Variants in XRCC5 observed in about 807,000 individuals in gnomAD.
XRCC5 encodes the protein X-ray repair cross complementing 5, also known as DNA repair protein Ku80.
Under a neutral mutation model 95.7 loss-of-function variants are expected in XRCC5, and 12 were observed. The observed-to-expected ratio is 0.13, with a 90% CI of 0.08 to 0.20. The LOEUF (loss-of-function observed/expected upper bound fraction) is 0.20, where lower values mean the gene tolerates loss of function less well. XRCC5 is among the 10% of genes least tolerant of loss of function. The probability of loss-of-function intolerance (pLI) is 1.00; values close to 1 mark genes in which losing one functional copy is unlikely to be tolerated. For synonymous variants in XRCC5, 281 were observed against 290.3 expected, an observed-to-expected ratio of 0.97 and a Z score of 0.33; for missense variants, 595 against 873.9, an observed-to-expected ratio of 0.68 and a Z score of 4.02.
chr2:216,156,594 G>A (rs967381689), intron 14 of XRCC5: 173 of 578,658 alleles, frequency 3.0e-4, no homozygotes, highest in Non-Finnish European at 8.3e-5. Flanking sequence ...ACTTGTGCCA[G>A]TAGAAGACCT....
At position 216,205,988 on chromosome 2, in the gene XRCC5, G is replaced by T. The variant is rs559205137; in HGVS notation, c.*786G>T. The T allele has an allele frequency of 6.6e-6, 1 of 152,184 alleles. No homozygotes were observed. 9.4% of individuals were successfully genotyped at this position (152,184 alleles called of 1,614,324 possible). A position where few individuals can be genotyped will look rare whatever the true frequency, so the allele number is the denominator to read the frequency against. On this transcript the variant is annotated 3_prime_UTR_variant, in exon 21 of 21. Transcript: ENST00000392132. ...TATATCACTTCACTGTTCTCTACTT[G>T]CAAGCCTCAAAGAGAGAAAGTTTCG...
intron 16 of XRCC5, among the ~76,000 whole-genome samples, chr2:216,184,311 AT>A (rs1423928795): frequency 6.6e-6 from 1 of 152,176 alleles, no homozygotes; most frequent in South Asian, 2.1e-4. Flanking sequence ...TTTTTACATA[AT>A]TTGTTTTTTA....
At chr2:216,128,431 G>A (rs1696929753) in intron 8 of XRCC5, among the ~76,000 whole-genome samples, 1 of 152,084 alleles carries the variant, frequency 6.6e-6, no homozygotes, top group African/African-American at 2.4e-5. Flanking sequence ...TTGGAGGAGG[G>A]GGTTGTTTAA....
At chr2:216,134,803 G>A (rs934230841) in intron 10 of XRCC5, among the ~76,000 whole-genome samples, 1 of 151,916 alleles carries the variant, frequency 6.6e-6, no homozygotes, top group South Asian at 2.1e-4. Flanking sequence ...CAAACAAATT[G>A]GAAGTAATCT....
At chr2:216,172,881 T>G (rs1300999918) in intron 16 of XRCC5, among the ~76,000 whole-genome samples, 1 of 152,224 alleles carries the variant, frequency 6.6e-6, no homozygotes, top group Non-Finnish European at 1.5e-5. Context: ...TCCATGAACA[T>G]GGAATAGTTA....
In XRCC5 at chr2:216,122,059, T is replaced by C. The variant is rs1574453802; in HGVS notation, c.492-3T>C. On this transcript the variant is annotated splice_polypyrimidine_tract_variant and splice_region_variant and intron_variant, in intron 5 of 20. Coordinates refer to ENST00000392132, the MANE Select transcript of XRCC5 (RefSeq NM_021141.4). ...ACTAACTACTGTTGATCTTTCTTAA[T>C]AGCTTGCCTTTCTCACTTGGCAAGG... The C allele has an allele frequency of 6.2e-7, 1 of 1,609,710 alleles. No individual in the cohort carries two copies. Among genetic ancestry groups the C allele is most frequent in the Non-Finnish European group, 8.5e-7 (1 of 1,177,752 alleles).
At chr2:216,154,450 T>C (rs1688805676) in intron 14 of XRCC5, among the ~76,000 whole-genome samples, 1 of 152,226 alleles carries the variant, frequency 6.6e-6, no homozygotes. Context: ...AAGCTCTTAA[T>C]AGCATCGCCC....
chr2:216,155,842 G>T (rs1688832165), intron 14 of XRCC5, among the ~76,000 whole-genome samples: 3 of 152,308 alleles, frequency 2.0e-5, no homozygotes, highest in Non-Finnish European at 4.4e-5. Flanking sequence ...GTGGGGTGCA[G>T]AGGGAGTGGG....
At chr2:216,113,795 A>T (rs1364724) in intron 2 of XRCC5, among the ~76,000 whole-genome samples, 52,130 of 151,868 alleles carry the variant, frequency 0.34, 10,686 homozygotes, top group South Asian at 0.52. Context: ...GTATAGTTTC[A>T]ATTTTCACAT....
chr2:216,194,742 G>A (rs922693037), intron 18 of XRCC5, among the ~76,000 whole-genome samples, 177 bp from the exon 19 acceptor site: 5 of 152,140 alleles, frequency 3.3e-5, no homozygotes, highest in East Asian at 1.9e-4. Flanking sequence ...AGGCCGAGAC[G>A]GGAGGATCAC....
intron 16 of XRCC5, among the ~76,000 whole-genome samples, chr2:216,183,345 A>G (rs928656542): frequency 3.3e-5 from 5 of 152,172 alleles, no homozygotes; most frequent in Non-Finnish European, 5.9e-5. Flanking sequence ...GCACCATTTA[A>G]AAAAGGGGGG....
chr2:216,160,214 G>A, intron 15 of XRCC5, 53 bp downstream of exon 15: 1 of 1,240,688 alleles, frequency 8.1e-7, no homozygotes, highest in Non-Finnish European at 1.1e-6. Flanking sequence ...GTTGGGGCTT[G>A]AGGGAGAGTG....
intron 20 of XRCC5, among the ~76,000 whole-genome samples, chr2:216,204,775 A>G (rs1039339278): frequency 1.3e-5 from 2 of 152,244 alleles, no homozygotes; most frequent in African/African-American, 4.8e-5. Context: ...AGCCCTTAAA[A>G]GGGCTACTTC....
intron 16 of XRCC5, among the ~76,000 whole-genome samples, chr2:216,185,855 C>G (rs1168665864): frequency 1.3e-5 from 2 of 152,050 alleles, no homozygotes; most frequent in African/African-American, 4.8e-5. Context: ...GAACTCCTGA[C>G]CTCAAGTGAT....
intron 16 of XRCC5, among the ~76,000 whole-genome samples, chr2:216,180,651 G>C (rs1167978914): frequency 6.6e-6 from 1 of 151,992 alleles, no homozygotes; most frequent in African/African-American, 2.4e-5. Context: ...GAGGAGGTTG[G>C]CATAACCTGG....
At chr2:216,144,061 A>G (rs1214992629) in intron 13 of XRCC5, among the ~76,000 whole-genome samples, 1 of 152,148 alleles carries the variant, frequency 6.6e-6, no homozygotes, top group Non-Finnish European at 1.5e-5. Flanking sequence ...AGAAAAGTAG[A>G]GAGAGAAAAA....
chr2:216,191,454 C>T (rs968384313), intron 17 of XRCC5, among the ~76,000 whole-genome samples: 1 of 151,890 alleles, frequency 6.6e-6, no homozygotes, highest in African/African-American at 2.4e-5. Context: ...TCTTGTCGCC[C>T]AGGCTGGAGT....
chr2:216,119,097 A>G lies in XRCC5; in HGVS notation c.423A>G (p.Arg141=). The G allele has an allele frequency of 2.5e-6, 4 of 1,614,174 alleles. No homozygotes were observed. Among genetic ancestry groups the G allele is most frequent in the Non-Finnish European group, 3.4e-6 (4 of 1,180,000 alleles). The part of the protein sequence containing the change: ...HIEIFTDLSS[R]FSKSQLDIII... ...AAATATTCACTGACCTCAGCAGCCG[A>G]TTCAGCAAAAGTCAGCTGGATATTA... The change falls in exon 5 of 21, where the codon CGA becomes CGG. Residue 141 remains arginine (R), a synonymous_variant. Coordinates refer to ENST00000392132, the MANE Select transcript of XRCC5 (RefSeq NM_021141.4).
In XRCC5 at chr2:216,160,070, A is replaced by G. The variant is rs976245216; in HGVS notation, c.1673A>G (p.His558Arg). The G allele has an allele frequency of 4.4e-6, 7 of 1,576,896 alleles. No homozygotes were observed. Among genetic ancestry groups the G allele is most frequent in the East Asian group, 2.3e-5 (1 of 43,014 alleles). ...VTAQEIFQDN[H>R]EDGPTAKKLK... ...GAAATTTTTTTTTTCTTTTCTAGCCATGAAGATGGACCTACAGCTAAAAAA... is the reference window on the plus strand; with the variant it reads ...GAAATTTTTTTTTTCTTTTCTAGCCGTGAAGATGGACCTACAGCTAAAAAA... The change falls in exon 15 of 21, where the codon CAT becomes CGT. Residue 558 changes from histidine to arginine, a missense_variant and splice_region_variant. Physicochemically the swap from His to Arg is conservative, Grantham distance 29 (BLOSUM62 0). This residue lies in a region of XRCC5 where 309 missense variants were observed against 382.9 expected (regional missense o/e 0.81). Transcript: ENST00000392132.
Sources: allele counts gnomAD v4.1 joint callset (sites outside exome capture counted in the v4.1 genomes callset), GRCh38; gene constraint gnomAD v4.1.1; regional missense constraint gnomAD v4.1.1; transcripts MANE v1.5; gene names NCBI Gene and HGNC (gene_info 2026-07-23, HGNC 2026-07-21).